The following SV2C variants were observed in gnomAD, a reference collection of about 807,000 sequenced individuals.
SV2C encodes solute carrier family 22 member B3.
A neutral mutation model predicts 79.7 loss-of-function variants in SV2C; 49 were observed. That is an observed-to-expected ratio of 0.61 (90% CI 0.49 to 0.78). The LOEUF (loss-of-function observed/expected upper bound fraction) is 0.78, where lower values mean the gene tolerates loss of function less well. Among genes scored for constraint, SV2C ranks in the 30% least tolerant of loss-of-function variants. The probability of loss-of-function intolerance (pLI) is 0.00; values close to 1 mark genes in which losing one functional copy is unlikely to be tolerated. For missense variants in SV2C, 833 were observed against 912.9 expected, an observed-to-expected ratio of 0.91 and a Z score of 1.13; for synonymous variants, 334 against 333.2, an observed-to-expected ratio of 1.00 and a Z score of -0.03.
At chr5:75,915,364 T>C in the SV2C span, among the ~76,000 whole-genome samples, 1 of 152,350 alleles carries the variant, frequency 6.6e-6, no homozygotes. Flanking sequence ...GGACCTGATA[T>C]GCAGAAGCTG....
chr5:75,952,174 C>T, the SV2C span, among the ~76,000 whole-genome samples: 2 of 151,844 alleles, frequency 1.3e-5, no homozygotes, highest in African/African-American at 4.8e-5. Flanking sequence ...CAACCCTGAT[C>T]AAAAAAATCA....
chr5:75,887,003 T>C, the SV2C span, among the ~76,000 whole-genome samples: 1 of 152,150 alleles, frequency 6.6e-6, no homozygotes, highest in African/African-American at 2.4e-5. Context: ...AGTTCCTTCT[T>C]AGTGGTAGGA....
At position 76,277,623 on chromosome 5, in the gene SV2C, G is replaced by A. The variant is rs1417267234; in HGVS notation, c.914-7539G>A. ...ACTCCGTCTCTACAAAAAGTTAGCC[G>A]GGCATGGTGGCGCTTGCCCGTGGTC... On this transcript the variant is annotated intron_variant, in intron 4 of 12. Transcript: ENST00000502798. Among the ~76,000 whole-genome samples, 7 of 152,064 alleles carry A rather than the reference G, an allele frequency of 4.6e-5. No individual in the cohort carries two copies. The East Asian group carries it at 5.8e-4, about 13-fold the overall frequency.
chr5:76,312,435 T>C (rs962409184), intron 12 of SV2C, among the ~76,000 whole-genome samples: 9 of 152,180 alleles, frequency 5.9e-5, no homozygotes, highest in Non-Finnish European at 1.2e-4. Flanking sequence ...GTATTTTTAA[T>C]AGAGACGGGG....
chr5:76,100,937 A>G (rs796263257), intron 1 of SV2C, among the ~76,000 whole-genome samples: 81 of 152,330 alleles, frequency 5.3e-4, no homozygotes, highest in African/African-American at 1.8e-3. Flanking sequence ...ATGTTTCCAA[A>G]TATTTCCACA....
chr5:75,876,405 C>A, the SV2C span, among the ~76,000 whole-genome samples: 1 of 151,978 alleles, frequency 6.6e-6, no homozygotes. Flanking sequence ...ACAACAGATA[C>A]TGGGTTCTCC....
At position 76,326,832 on chromosome 5, in the gene SV2C, C is replaced by G. The variant is rs540813658; in HGVS notation, c.*1285C>G. On this transcript the variant is annotated 3_prime_UTR_variant, in exon 13 of 13. Coordinates refer to ENST00000502798, the MANE Select transcript of SV2C (RefSeq NM_014979.4). The stretch of plus-strand genomic sequence containing the variant: ...AAAGAGGTCAGCCAGGACATTCCCA[C>G]GGGCCCGCTGTCAGCTACATGACCT... The G allele has an allele frequency of 6.6e-6, 1 of 152,442 alleles. No individual in the cohort carries two copies. Among genetic ancestry groups the G allele is most frequent in the South Asian group, 2.1e-4 (1 of 4,836 alleles). The allele number at this position is 152,442 out of a possible 1,614,324, so 9.4% of individuals were successfully genotyped here.
the SV2C span, among the ~76,000 whole-genome samples, chr5:75,918,475 G>T: frequency 1.3e-5 from 2 of 152,204 alleles, no homozygotes; most frequent in Non-Finnish European, 2.9e-5. Context: ...GAAAGATGTA[G>T]GCTCTAAGGG....
chr5:76,049,007 G>GAAAGAAAGAAAGAAAGAAAGAAAGAA, the SV2C span, among the ~76,000 whole-genome samples: 12 of 88,892 alleles, frequency 1.3e-4, no homozygotes, highest in African/African-American at 4.6e-4. Context: ...AAGAAAGAAA[G>GAAAGAAAGAAAGAAAGAAAGAAAGAA]AAAGAAAGAA....
chr5:75,900,016 A>T, the SV2C span, among the ~76,000 whole-genome samples: 1 of 152,014 alleles, frequency 6.6e-6, no homozygotes, highest in East Asian at 1.9e-4. Context: ...TTGACTCTTT[A>T]TCCAATTTGC....
the SV2C span, among the ~76,000 whole-genome samples, chr5:75,897,202 G>A: frequency 0.01 from 1,580 of 151,346 alleles, 59 homozygotes; most frequent in African/African-American, 0.037. Flanking sequence ...ATGGTTTTAG[G>A]TCTAACATGT....
chr5:76,314,701 G>A (rs893215527), intron 12 of SV2C, among the ~76,000 whole-genome samples: 1 of 152,178 alleles, frequency 6.6e-6, no homozygotes, highest in Admixed American at 6.5e-5. Context: ...GAGAGGGGAA[G>A]TAACTTGTCC....
At chr5:76,033,962 C>A in the SV2C span, among the ~76,000 whole-genome samples, 22 of 152,124 alleles carry the variant, frequency 1.4e-4, no homozygotes, top group Admixed American at 7.9e-4. Context: ...GAGGTCCTTC[C>A]CATCCCTTGT....
chr5:75,983,811 G>C, the SV2C span, among the ~76,000 whole-genome samples: 1 of 152,000 alleles, frequency 6.6e-6, no homozygotes, highest in African/African-American at 2.4e-5. Context: ...TGCTTTGGTC[G>C]ATAGAATGCT....
At chr5:76,044,926 C>G in the SV2C span, among the ~76,000 whole-genome samples, 2 of 152,144 alleles carry the variant, frequency 1.3e-5, no homozygotes, top group Non-Finnish European at 2.9e-5. Flanking sequence ...TTAATTAGAT[C>G]CCATTTGTCA....
chr5:75,889,235 T>A, the SV2C span, among the ~76,000 whole-genome samples: 4 of 151,662 alleles, frequency 2.6e-5, no homozygotes, highest in Non-Finnish European at 4.4e-5. Context: ...TTTCTCCTAA[T>A]GCTCTCCCTC....
chr5:76,213,584 T>C (rs1345143867), intron 4 of SV2C, among the ~76,000 whole-genome samples: 1 of 152,216 alleles, frequency 6.6e-6, no homozygotes, highest in Non-Finnish European at 1.5e-5. Context: ...TGAGAGTTTT[T>C]ATTCTTATTT....
At chr5:76,223,446 T>TAC (rs1315112108) in intron 4 of SV2C, among the ~76,000 whole-genome samples, 70 of 9,534 alleles carry the variant, frequency 7.3e-3, no homozygotes, top group Admixed American at 0.02. Flanking sequence ...CATACATACA[T>TAC]ATATATATAT....
chr5:75,961,631 A>C, the SV2C span, among the ~76,000 whole-genome samples: 1 of 152,012 alleles, frequency 6.6e-6, no homozygotes, highest in Admixed American at 6.6e-5. Flanking sequence ...TTCTGTTTTA[A>C]AATTTTAATT....
Sources: allele counts gnomAD v4.1 joint callset (sites outside exome capture counted in the v4.1 genomes callset), GRCh38; gene constraint gnomAD v4.1.1; transcripts MANE v1.5; gene names NCBI Gene and HGNC (gene_info 2026-07-23, HGNC 2026-07-21).